Variants in ZNF568 observed in about 807,000 individuals in gnomAD.
ZNF568 encodes zinc finger protein 568, also known as p53 inhibitor of SCO2 activation.
A neutral mutation model predicts 18.1 loss-of-function variants in ZNF568; 11 were observed. The ratio of observed to expected loss-of-function variants is 0.61; its 90% CI spans 0.38 to 1.00. The LOEUF (loss-of-function observed/expected upper bound fraction) is 1.00, where lower values mean the gene tolerates loss of function less well. Ranked by LOEUF, ZNF568 falls within the 50% of genes least tolerant of loss-of-function variation. The probability of loss-of-function intolerance (pLI) is 0.01; values close to 1 mark genes in which losing one functional copy is unlikely to be tolerated. For missense variants in ZNF568, 639 were observed against 768.2 expected (o/e 0.83, Z 1.99); for synonymous variants, 213 against 246.6 (o/e 0.86, Z 1.28).
chr19:36,991,993 A>G, intron 4 of ZNF568: 1 of 620,494 alleles, frequency 1.6e-6, no homozygotes, highest in Non-Finnish European at 2.7e-6. Flanking sequence ...TTGTAATCCC[A>G]GCAGTTTGGG....
chr19:36,996,406 A>G (rs1275066125), exon 5 of ZNF568: 1 of 1,536,380 alleles, frequency 6.5e-7, no homozygotes, highest in Non-Finnish European at 8.7e-7. Context: ...GGCCAGAGTT[A>G]TCAGAGAAAT....
At chr19:36,930,511 G>C (rs2073669629) in intron 4 of ZNF568, among the ~76,000 whole-genome samples, 1 of 152,004 alleles carries the variant, frequency 6.6e-6, no homozygotes, top group African/African-American at 2.4e-5. Flanking sequence ...GCCTGGCCAG[G>C]GGTGCAATCT....
At chr19:36,961,210 A>G (rs2074146509) in intron 6 of ZNF568, among the ~76,000 whole-genome samples, 1 of 150,890 alleles carries the variant, frequency 6.6e-6, no homozygotes, top group South Asian at 2.1e-4. Flanking sequence ...GGCTGCATAT[A>G]TATTTAGAAT....
downstream of ZNF568, among the ~76,000 whole-genome samples, chr19:36,956,025 T>C (rs1369508805): frequency 6.6e-6 from 1 of 152,130 alleles, no homozygotes; most frequent in African/African-American, 2.4e-5. Context: ...TGCAAGTGAT[T>C]TATTAAGGAA....
intron 6 of ZNF568, among the ~76,000 whole-genome samples, chr19:36,967,013 C>T (rs1228505276): frequency 6.6e-6 from 1 of 152,228 alleles, no homozygotes; most frequent in East Asian, 1.9e-4. Context: ...GGAAACCATG[C>T]ATCTCAGGCC....
intron 6 of ZNF568, among the ~76,000 whole-genome samples, chr19:36,942,810 C>T (rs187140250): frequency 3.9e-4 from 60 of 152,124 alleles, no homozygotes; most frequent in Admixed American, 1.5e-3. Flanking sequence ...TTTGTTTAAT[C>T]CTGCAATATT....
At chr19:36,970,788 A>ATAC (rs1304504067) in intron 6 of ZNF568, among the ~76,000 whole-genome samples, 1 of 152,194 alleles carries the variant, frequency 6.6e-6, no homozygotes, top group Non-Finnish European at 1.5e-5. Context: ...TTAATTGTAC[A>ATAC]TACTTTAAAA....
chr19:36,985,551 C>T (rs1015372854), intron 2 of ZNF568, among the ~76,000 whole-genome samples: 1 of 151,896 alleles, frequency 6.6e-6, no homozygotes, highest in Non-Finnish European at 1.5e-5. Context: ...AAGACACAGT[C>T]TCACTGTGTC....
intron 6 of ZNF568, among the ~76,000 whole-genome samples, chr19:36,942,919 G>T (rs1216992832): frequency 2.6e-5 from 4 of 151,996 alleles, no homozygotes; most frequent in Non-Finnish European, 5.9e-5. Context: ...GTTTATGGTT[G>T]GTTTATTTGA....
At chr19:36,987,003 T>A (rs954107623) in intron 2 of ZNF568, among the ~76,000 whole-genome samples, 5 of 152,210 alleles carry the variant, frequency 3.3e-5, no homozygotes, top group Non-Finnish European at 5.9e-5. Flanking sequence ...ATTGCCACTG[T>A]AACTGCAGAT....
chr19:36,934,194 T>C (rs1600789688), intron 4 of ZNF568, among the ~76,000 whole-genome samples: 1 of 151,986 alleles, frequency 6.6e-6, no homozygotes, highest in Middle Eastern at 3.4e-3. Context: ...TTTAGTTTTA[T>C]TGATTCTCTC....
chr19:36,952,806 C>T (rs1262906213), downstream of ZNF568: 2 of 465,492 alleles, frequency 4.3e-6, no homozygotes, highest in Non-Finnish European at 5.6e-6. Context: ...AGCCTGTGCC[C>T]ATAGAAGGAA....
chr19:36,987,374 A>G (rs1288420445), intron 2 of ZNF568, among the ~76,000 whole-genome samples: 1 of 152,168 alleles, frequency 6.6e-6, no homozygotes, highest in Admixed American at 6.5e-5. Context: ...GTCATTCTGG[A>G]GAGTCTTTGC....
chr19:36,976,610 A>G (rs1667337), intron 7 of ZNF568, among the ~76,000 whole-genome samples: 83,050 of 151,932 alleles, frequency 0.55, 23,379 homozygotes, highest in African/African-American at 0.66. Context: ...AAAGTTACGC[A>G]GTTAAAAATG....
rs192200763 is a variant in ZNF568 at position 36,938,848 on chromosome 19, G to T, written c.358+1606G>T. Among the ~76,000 whole-genome samples, 106 of 152,258 alleles carry T rather than the reference G, an allele frequency of 7.0e-4. 1 individual carries two copies. In the Middle Eastern group the frequency reaches 0.01, roughly 15 times the overall value. On this transcript the variant is annotated intron_variant, in intron 6 of 6. Coordinates refer to ENST00000333987, the MANE Select transcript of ZNF568 (RefSeq NM_198539.4). ...AGCTTAAGTGGCTTTATGAGGCTAT[G>T]CCTTGGAATTGATCAATCAGTATCA...
intron 6 of ZNF568, among the ~76,000 whole-genome samples, chr19:36,969,417 C>G (rs1300867416): frequency 6.6e-6 from 1 of 152,054 alleles, no homozygotes; most frequent in Non-Finnish European, 1.5e-5. Context: ...CAAGGAAGGA[C>G]AGGCTTATCA....
intron 2 of ZNF568, among the ~76,000 whole-genome samples, chr19:36,989,908 TG>T (rs1260030259): frequency 6.6e-6 from 1 of 152,058 alleles, no homozygotes; most frequent in African/African-American, 2.4e-5. Context: ...AACCAATCCT[TG>T]CTGGAAACTT....
intron 6 of ZNF568, among the ~76,000 whole-genome samples, chr19:36,945,916 A>G (rs2073956624): frequency 6.6e-6 from 1 of 151,660 alleles, no homozygotes; most frequent in Admixed American, 6.6e-5. Context: ...ACATGGTGAA[A>G]CCCTGTTTCA....
chr19:36,974,560 AT>A, intron 7 of ZNF568: 2 of 1,297,234 alleles, frequency 1.5e-6, no homozygotes, highest in Non-Finnish European at 2.1e-6. Context: ...TACATTCATG[AT>A]TTGGACAAAG....
Sources: gnomAD v4.1 joint callset for allele counts (sites outside exome capture counted in the v4.1 genomes callset) on GRCh38, gnomAD v4.1.1 for gene constraint, MANE v1.5 for transcripts, NCBI Gene and HGNC (gene_info 2026-07-23, HGNC 2026-07-21) for gene names.